UMAD1: variants seen among roughly 807,000 people sequenced by gnomAD.
UMAD1 encodes the protein UBAP1-MVB12-associated (UMA) domain containing 1, also known as UBAP1-MVB12-associated (UMA)-domain containing protein 1.
UMAD1 carries 8 observed loss-of-function variants against 6.1 expected under a neutral mutation model. That is an observed-to-expected ratio of 1.30 (90% CI 0.76 to 2.35). The LOEUF (loss-of-function observed/expected upper bound fraction) is 2.35, where lower values mean the gene tolerates loss of function less well. Ranked by LOEUF, UMAD1 falls within the 30% of genes most tolerant of loss-of-function variation. UMAD1 has a pLI of 0.00. For synonymous variants in UMAD1, 56 were observed against 31.4 expected, an observed-to-expected ratio of 1.78 and a Z score of -2.61; for missense variants, 130 against 78.4, an observed-to-expected ratio of 1.66 and a Z score of -2.49.
At chr7:7,751,094 T>C (rs1781668676) in intron 2 of UMAD1, among the ~76,000 whole-genome samples, 1 of 152,184 alleles carries the variant, frequency 6.6e-6, no homozygotes, top group African/African-American at 2.4e-5. Flanking sequence ...TCTTTGTGTA[T>C]ATAGCTGAGC....
chr7:7,655,094 A>G (rs1289353592), intron 1 of UMAD1, among the ~76,000 whole-genome samples: 1 of 152,144 alleles, frequency 6.6e-6, no homozygotes, highest in African/African-American at 2.4e-5. Flanking sequence ...AACAGCAATG[A>G]TTCCAGACAG....
intron 2 of UMAD1, among the ~76,000 whole-genome samples, chr7:7,713,900 A>AGAC (rs1780827243): frequency 6.6e-6 from 1 of 152,160 alleles, no homozygotes; most frequent in South Asian, 2.1e-4. Context: ...GTGTGACCAC[A>AGAC]GACAGCTCAC....
rs145839924 is a variant in UMAD1 at position 7,841,291 on chromosome 7, G to A, written c.157-35990G>A. On this transcript the variant is annotated intron_variant, in intron 3 of 3. Coordinates refer to ENST00000682710, the MANE Select transcript of UMAD1 (RefSeq NM_001302348.2). ...GAAGAATGCAAGGAATTATAGCTACGAACTGTCAATATAACAAGTGATCTT... is the reference window on the plus strand; with the variant it reads ...GAAGAATGCAAGGAATTATAGCTACAAACTGTCAATATAACAAGTGATCTT... 1.6e-3 allele frequency among the ~76,000 whole-genome samples: 240 copies of A among 150,736 alleles called. 1 individual carries two copies. The highest frequency in any genetic ancestry group is 5.5e-3 in the African/African-American group (226 of 41,008).
chr7:7,707,837 C>T (rs1279804774), intron 2 of UMAD1, among the ~76,000 whole-genome samples: 1 of 152,104 alleles, frequency 6.6e-6, no homozygotes, highest in Non-Finnish European at 1.5e-5. Context: ...TTTGCCTAGC[C>T]AGATCTTTTA....
intron 2 of UMAD1, among the ~76,000 whole-genome samples, chr7:7,794,729 C>G (rs1782639099): frequency 6.6e-6 from 1 of 152,112 alleles, no homozygotes; most frequent in Non-Finnish European, 1.5e-5. Flanking sequence ...AATATATTTC[C>G]TTGACATACG....
At chr7:7,741,526 G>A (rs1404773428) in intron 2 of UMAD1, among the ~76,000 whole-genome samples, 4 of 150,702 alleles carry the variant, frequency 2.7e-5, no homozygotes, top group East Asian at 1.9e-4. Context: ...GCAGTGAGCC[G>A]AGATCACATC....
At chr7:7,812,097 A>G (rs529188385) in intron 3 of UMAD1, among the ~76,000 whole-genome samples, 2 of 152,186 alleles carry the variant, frequency 1.3e-5, no homozygotes, top group African/African-American at 2.4e-5. Flanking sequence ...TGGAAAAATT[A>G]TAATTGAAAG....
intron 2 of UMAD1, among the ~76,000 whole-genome samples, chr7:7,688,736 T>G (rs1442042631): frequency 6.6e-6 from 1 of 152,216 alleles, no homozygotes; most frequent in Non-Finnish European, 1.5e-5. Flanking sequence ...CCAATTATGT[T>G]GTAACCTCCT....
At chr7:7,866,066 T>C (rs73061244) in intron 3 of UMAD1, among the ~76,000 whole-genome samples, 36,722 of 152,194 alleles carry the variant, frequency 0.24, 5,495 homozygotes, top group Non-Finnish European at 0.33. Context: ...TAGTTTATCA[T>C]GTTGGTGATA....
chr7:7,662,603 C>A (rs569020080), intron 1 of UMAD1, among the ~76,000 whole-genome samples: 2 of 152,240 alleles, frequency 1.3e-5, no homozygotes, highest in South Asian at 2.1e-4. Flanking sequence ...CTGGGTGAGG[C>A]GACACCCCAC....
rs1218703258 is a variant in UMAD1, at chr7:7,877,391, G to A, written c.267G>A (p.Val89=). ...TAATGGCCGAGCTCCTGAGCGATGT[G>A]CCGTTCACCCTGGCCCCGCATGTGC... ...SSLMAELLSD[V]PFTLAPHVLA... Residue 89 remains valine, a synonymous_variant, in exon 4 of 4, where the codon GTG becomes GTA. Coordinates refer to ENST00000682710, the MANE Select transcript of UMAD1 (RefSeq NM_001302348.2). 2.8e-6 allele frequency: 2 copies of A among 717,474 alleles called. No homozygotes were observed. Among genetic ancestry groups the A allele is most frequent in the African/African-American group, 1.7e-5 (1 of 57,248 alleles). 44.4% of individuals were successfully genotyped at this position (717,474 alleles called of 1,614,324 possible).
chr7:7,865,782 G>A (rs17562267), intron 3 of UMAD1, among the ~76,000 whole-genome samples: 21,847 of 152,198 alleles, frequency 0.14, 2,224 homozygotes, highest in Non-Finnish European at 0.2. Flanking sequence ...TGGGAGAGAA[G>A]AGTTGTGTAA....
At chr7:7,661,669 T>G (rs932590522) in intron 1 of UMAD1, among the ~76,000 whole-genome samples, 9 of 152,178 alleles carry the variant, frequency 5.9e-5, no homozygotes, top group Admixed American at 4.6e-4. Flanking sequence ...GCCCGTTCCT[T>G]CCTCTGGAAG....
At chr7:7,725,915 G>A (rs754028617) in intron 2 of UMAD1, among the ~76,000 whole-genome samples, 1 of 152,226 alleles carries the variant, frequency 6.6e-6, no homozygotes, top group Non-Finnish European at 1.5e-5. Flanking sequence ...GTGGACAGCT[G>A]CAGTACTACA....
At chr7:7,711,573 T>G (rs1350923731) in intron 2 of UMAD1, among the ~76,000 whole-genome samples, 1 of 152,184 alleles carries the variant, frequency 6.6e-6, no homozygotes, top group Non-Finnish European at 1.5e-5. Flanking sequence ...GTATCTTGTG[T>G]TTTTAATTTA....
Position 7,726,734 on chromosome 7 carries a change from A to G in UMAD1, c.82+53281A>G, listed in dbSNP as rs112549357. Among the ~76,000 whole-genome samples the G allele has an allele frequency of 3.1e-3, 477 of 152,314 alleles. 2 individuals carry two copies. The highest frequency in any genetic ancestry group is 9.8e-3 in the African/African-American group (407 of 41,568). ...TAGTTCCAGAGGGAGAAATGCTGCC[A>G]GGAGACACAACAACGATTCCATTAA... is the stretch of plus-strand genomic sequence containing the variant. On this transcript the variant is annotated intron_variant, in intron 2 of 3. Coordinates refer to ENST00000682710, the MANE Select transcript of UMAD1 (RefSeq NM_001302348.2).
chr7:7,734,197 C>G (rs1781306575), intron 2 of UMAD1, among the ~76,000 whole-genome samples: 1 of 151,958 alleles, frequency 6.6e-6, no homozygotes, highest in Admixed American at 6.6e-5. Flanking sequence ...TCGTAGGAGA[C>G]TTTGTTAGCT....
chr7:7,822,293 T>A (rs10486191), intron 3 of UMAD1, among the ~76,000 whole-genome samples: 4,699 of 152,056 alleles, frequency 0.031, 256 homozygotes, highest in African/African-American at 0.11. Flanking sequence ...AATAATGAAA[T>A]CTGTAAGGTC....
At chr7:7,752,563 A>T (rs1488343747) in intron 2 of UMAD1, among the ~76,000 whole-genome samples, 1 of 152,054 alleles carries the variant, frequency 6.6e-6, no homozygotes, top group African/African-American at 2.4e-5. Context: ...GATCCTAAAA[A>T]CCCGACATGA....
Sources: gnomAD v4.1 joint callset for allele counts (sites outside exome capture counted in the v4.1 genomes callset) on GRCh38, gnomAD v4.1.1 for gene constraint, MANE v1.5 for transcripts, NCBI Gene and HGNC (gene_info 2026-07-23, HGNC 2026-07-21) for gene names.